OSCP1: variants seen among roughly 807,000 people sequenced by gnomAD.
OSCP1 encodes the protein protein OSCP1.
A neutral mutation model predicts 45.1 loss-of-function variants in OSCP1; 35 were observed. The observed-to-expected ratio is 0.78, with a 90% confidence interval of 0.59 to 1.03. OSCP1 has a LOEUF of 1.03. OSCP1 is among the 50% of genes least tolerant of loss of function. OSCP1 has a pLI of 0.00. For missense variants in OSCP1, 400 were observed against 470.7 expected (o/e 0.85, Z 1.39); for synonymous variants, 179 against 180.1 (o/e 0.99, Z 0.05).
intron 1 of OSCP1, among the ~76,000 whole-genome samples, chr1:36,445,583 C>T (rs761973639): frequency 4.6e-5 from 7 of 152,234 alleles, no homozygotes; most frequent in Admixed American, 6.5e-5. Context: ...TGGGAAAATT[C>T]ACCATCTTCC....
At chr1:36,436,357 G>A (rs976306150) in intron 2 of OSCP1, among the ~76,000 whole-genome samples, 8 of 151,106 alleles carry the variant, frequency 5.3e-5, no homozygotes, top group East Asian at 2.0e-4. Flanking sequence ...TGATCCACCC[G>A]CCTCAGCCTC....
At chr1:36,443,732 G>A (rs1375964886) in intron 1 of OSCP1, among the ~76,000 whole-genome samples, 1 of 152,212 alleles carries the variant, frequency 6.6e-6, no homozygotes, top group Non-Finnish European at 1.5e-5. Context: ...TCCCAGCAAA[G>A]CTTGGAACTG....
chr1:36,440,116 T>C (rs561830715), intron 1 of OSCP1, among the ~76,000 whole-genome samples: 79 of 152,374 alleles, frequency 5.2e-4, no homozygotes, highest in African/African-American at 1.8e-3. Flanking sequence ...TATTGAAATA[T>C]AGAAATTCCT....
chr1:36,421,432 C>G (rs1378573244), intron 7 of OSCP1, among the ~76,000 whole-genome samples: 1 of 152,154 alleles, frequency 6.6e-6, no homozygotes, highest in Non-Finnish European at 1.5e-5. Context: ...CTTCAATATC[C>G]CCGCCTCTGA....
rs1024752572 is a variant in OSCP1 at position 36,450,122 on chromosome 1, G to A, written c.112+136C>T. On this transcript the variant is annotated intron_variant, in intron 1 of 9. Coordinates refer to ENST00000235532, the MANE Select transcript of OSCP1 (RefSeq NM_145047.5). Reference sequence around the variant, plus strand: ...GACTCCCGAGGGGCTCCAAATGGATGTGGCTTGTAAGAAAGGTCCCTGGTT... The same window carrying A: ...GACTCCCGAGGGGCTCCAAATGGATATGGCTTGTAAGAAAGGTCCCTGGTT... 7.2e-6 allele frequency: 5 copies of A among 697,964 alleles called. No individual in the cohort carries two copies. The African/African-American group carries it at 7.2e-5, about 10-fold the overall frequency. The allele number at this position is 697,964 out of a possible 1,614,324, so 43.2% of individuals were successfully genotyped here. A position where few individuals can be genotyped will look rare whatever the true frequency, so the allele number is the denominator to read the frequency against.
At position 36,438,741 on chromosome 1, in the gene OSCP1, C is replaced by T. The variant is rs1445937288; in HGVS notation, c.267+15G>A. The stretch of plus-strand genomic sequence containing the variant: ...AAAAATGCAACCAAGATGACAAAGG[C>T]AGCTGTCTGCTCACCTTATCCATGC... On this transcript the variant is annotated intron_variant, in intron 2 of 9. Transcript: ENST00000235532. 4.4e-6 allele frequency: 7 copies of T among 1,582,236 alleles called. No individual in the cohort carries two copies. Among genetic ancestry groups the T allele is most frequent in the South Asian group, 1.2e-5 (1 of 86,740 alleles).
chr1:36,445,829 C>T (rs552270557), intron 1 of OSCP1, among the ~76,000 whole-genome samples: 57 of 152,212 alleles, frequency 3.7e-4, no homozygotes, highest in Non-Finnish European at 7.4e-4. Context: ...ATTCTCCCGC[C>T]TCAGCCTCCC....
At chr1:36,429,780 G>T in intron 4 of OSCP1, among the ~76,000 whole-genome samples, 1 of 150,742 alleles carries the variant, frequency 6.6e-6, no homozygotes. Flanking sequence ...TTTGAGACAG[G>T]GTCTCAGCCC....
At chr1:36,418,407 CAG>C (rs1647403117) in intron 9 of OSCP1, 152 bp from the exon 10 acceptor site, 2 of 655,470 alleles carry the variant, frequency 3.1e-6, no homozygotes, top group Non-Finnish European at 5.4e-6. Flanking sequence ...ACAGGCTGAT[CAG>C]AGAGAAGAAG....
At chr1:36,418,904 G>C in intron 9 of OSCP1, 87 bp downstream of exon 9, 1 of 1,141,850 alleles carries the variant, frequency 8.8e-7, no homozygotes, top group East Asian at 2.4e-5. Context: ...CTTCACCTGG[G>C]TGACAGAGCG....
In OSCP1 at chr1:36,432,498, T is replaced by C; in HGVS notation, c.359A>G (p.Asp120Gly). 6.2e-7 allele frequency: 1 copy of C among 1,613,994 alleles called. No individual in the cohort carries two copies. The highest frequency in any genetic ancestry group is 8.5e-7 in the Non-Finnish European group (1 of 1,179,940). ...GTCTCGGATGAATCCCTTGATGGTA[T>C]CCAAGTGATTGAAAGTGACCAGCAG... ...DVLLVTFNHL[D>G]TIKGFIRDSP... is the part of the protein sequence containing the mutation. The change falls in exon 3 of 10, where the codon GAT becomes GGT. Residue 120 changes from aspartate to glycine, a missense_variant. Physicochemically the swap from Asp to Gly is moderately conservative, Grantham distance 94. Coordinates refer to ENST00000235532, the MANE Select transcript of OSCP1 (RefSeq NM_145047.5).
At chr1:36,419,157 AT>A in intron 8 of OSCP1, 103 bp from the exon 9 acceptor site, 1 of 1,003,290 alleles carries the variant, frequency 1.0e-6, no homozygotes, top group Admixed American at 1.8e-5. Flanking sequence ...TTTCTGCCTC[AT>A]CTGCCATTTC....
intron 2 of OSCP1, among the ~76,000 whole-genome samples, 192 bp from the exon 3 acceptor site, chr1:36,432,781 G>T (rs1285177780): frequency 6.6e-6 from 1 of 152,094 alleles, no homozygotes; most frequent in Non-Finnish European, 1.5e-5. Context: ...TAATAATTAA[G>T]CCAGGAAAAC....
intron 1 of OSCP1, chr1:36,443,879 C>G (rs1405231104): frequency 1.9e-6 from 2 of 1,068,106 alleles, no homozygotes; most frequent in Non-Finnish European, 2.9e-6. Flanking sequence ...TAAAGACAAA[C>G]TCATGCCTAT....
At chr1:36,429,455 T>C (rs1181619860) in intron 4 of OSCP1, among the ~76,000 whole-genome samples, 1 of 151,680 alleles carries the variant, frequency 6.6e-6, no homozygotes, top group Non-Finnish European at 1.5e-5. Context: ...CATACCATCT[T>C]TCCCACATCA....
intron 4 of OSCP1, among the ~76,000 whole-genome samples, chr1:36,424,930 T>C (rs1647872352): frequency 6.6e-6 from 1 of 152,062 alleles, no homozygotes; most frequent in African/African-American, 2.4e-5. Flanking sequence ...CCTAGCACTT[T>C]AGGAGGCTGA....
chr1:36,442,226 CAA>C (rs72150069), intron 1 of OSCP1, among the ~76,000 whole-genome samples: 17 of 113,846 alleles, frequency 1.5e-4, no homozygotes, highest in Non-Finnish European at 1.3e-4. Flanking sequence ...AACTCCGTCT[CAA>C]AAAAAAAAAA....
intron 4 of OSCP1, among the ~76,000 whole-genome samples, chr1:36,427,851 T>C (rs1352548287): frequency 1.3e-5 from 2 of 152,204 alleles, no homozygotes; most frequent in African/African-American, 4.8e-5. Context: ...TTTATATTGA[T>C]GTTATTATTG....
chr1:36,427,715 G>A (rs1277237118), intron 4 of OSCP1, among the ~76,000 whole-genome samples: 2 of 152,070 alleles, frequency 1.3e-5, no homozygotes, highest in Non-Finnish European at 2.9e-5. Flanking sequence ...ACCCAAATAT[G>A]CAGCCCTGAT....
Sources: gnomAD v4.1 joint callset for allele counts (sites outside exome capture counted in the v4.1 genomes callset) on GRCh38, gnomAD v4.1.1 for gene constraint, MANE v1.5 for transcripts, NCBI Gene and HGNC (gene_info 2026-07-23, HGNC 2026-07-21) for gene names.